Variants in GLG1 observed in about 807,000 individuals in gnomAD.
The protein encoded by GLG1 is Golgi apparatus protein 1.
A neutral mutation model predicts 160.5 loss-of-function variants in GLG1; 38 were observed. The ratio of observed to expected loss-of-function variants is 0.24; its 90% CI spans 0.18 to 0.31. The LOEUF is 0.31. GLG1 is among the 10% of genes least tolerant of loss of function. The probability of loss-of-function intolerance (pLI) is 1.00; values close to 1 mark genes in which losing one functional copy is unlikely to be tolerated. For missense variants in GLG1, 1,373 were observed against 1,505.2 expected, an observed-to-expected ratio of 0.91 and a Z score of 1.45; for synonymous variants, 644 against 543.4, an observed-to-expected ratio of 1.19 and a Z score of -2.57.
chr16:74,449,459 C>T lies in GLG1; in HGVS notation c.*3708G>A, dbSNP rs1352001475. The T allele has an allele frequency of 6.6e-6, 1 of 152,174 alleles. No individual in the cohort carries two copies. Among genetic ancestry groups the T allele is most frequent in the African/African-American group, 2.4e-5 (1 of 41,438 alleles). The allele number at this position is 152,174 out of a possible 1,614,324, so 9.4% of individuals were successfully genotyped here. A position where few individuals can be genotyped will look rare whatever the true frequency, so the allele number is the denominator to read the frequency against. ...CCCTTTCCAGTGTGCCTTGATAAAACGTAAAACATGAATGAAGACACTCTC... is the reference window on the plus strand; with the variant it reads ...CCCTTTCCAGTGTGCCTTGATAAAATGTAAAACATGAATGAAGACACTCTC... On this transcript the variant is annotated 3_prime_UTR_variant, in exon 26 of 26. Transcript: ENST00000422840.
At chr16:74,461,891 A>G in intron 22 of GLG1, 1 of 491,946 alleles carries the variant, frequency 2.0e-6, no homozygotes, top group Non-Finnish European at 3.6e-6. Flanking sequence ...GAAATATGGA[A>G]CAACGCTTTA....
chr16:74,565,404 T>G (rs1435245099), intron 1 of GLG1, among the ~76,000 whole-genome samples: 1 of 152,206 alleles, frequency 6.6e-6, no homozygotes, highest in Non-Finnish European at 1.5e-5. Context: ...TAAAGCTGCC[T>G]TCTTACATAT....
rs559736602 is a variant in GLG1 at position 74,601,604 on chromosome 16, C to G, written c.438+5053G>C. Among the ~76,000 whole-genome samples, 7 of 152,248 alleles carry G rather than the reference C, an allele frequency of 4.6e-5. No individual in the cohort carries two copies. The South Asian group carries it at 1.5e-3, about 32-fold the overall frequency. On this transcript the variant is annotated intron_variant, in intron 1 of 25. Coordinates refer to ENST00000422840, the MANE Select transcript of GLG1 (RefSeq NM_001145667.2). ...AATACAACTAAATGCTTCCAGTGTT[C>G]TAGTACAAATCCTGCTTAAGGTGAG...
In GLG1 at chr16:74,510,092, C is replaced by T. The variant is rs969190566; in HGVS notation, c.472-1167G>A. 5.3e-5 allele frequency among the ~76,000 whole-genome samples: 8 copies of T among 150,450 alleles called. No homozygotes were observed. The South Asian group carries it at 1.7e-3, about 32-fold the overall frequency. Reference sequence around the variant, plus strand: ...TATTGCCCAGGCTGCAGTGCAATGGCGCGATCTCGGCTCACCACAACCTCT... The same window carrying T: ...TATTGCCCAGGCTGCAGTGCAATGGTGCGATCTCGGCTCACCACAACCTCT... On this transcript the variant is annotated intron_variant, in intron 2 of 25. Coordinates refer to ENST00000422840, the MANE Select transcript of GLG1 (RefSeq NM_001145667.2).
chr16:74,545,576 T>C (rs2018023118), intron 1 of GLG1, among the ~76,000 whole-genome samples: 1 of 152,258 alleles, frequency 6.6e-6, no homozygotes, highest in African/African-American at 2.4e-5. Flanking sequence ...ATACACAAAT[T>C]TAAATTCAGA....
chr16:74,568,072 T>C (rs953399033), intron 1 of GLG1, among the ~76,000 whole-genome samples: 1 of 152,144 alleles, frequency 6.6e-6, no homozygotes, highest in Non-Finnish European at 1.5e-5. Context: ...CAATACAACA[T>C]TTGCAATAAT....
At chr16:74,482,990 G>A (rs371850873) in intron 10 of GLG1, 33 bp downstream of exon 10, 11 of 1,056,982 alleles carry the variant, frequency 1.0e-5, no homozygotes, top group African/African-American at 1.6e-5. Context: ...AGAGGCTGAG[G>A]CAATACATTT....
chr16:74,462,388 T>A, intron 21 of GLG1, 100 bp downstream of exon 21: 1 of 1,154,718 alleles, frequency 8.7e-7, no homozygotes, highest in East Asian at 2.4e-5. Flanking sequence ...ATGAAAAAGG[T>A]CTTGGGAAAA....
At chr16:74,498,719 G>C (rs1401870293) in intron 4 of GLG1, among the ~76,000 whole-genome samples, 2 of 149,704 alleles carry the variant, frequency 1.3e-5, no homozygotes, top group South Asian at 2.1e-4. Context: ...TCAAAAATTA[G>C]GTGGGTGTGG....
chr16:74,510,446 A>G lies in GLG1; in HGVS notation c.472-1521T>C, dbSNP rs770685162. 2.8e-4 allele frequency among the ~76,000 whole-genome samples: 43 copies of G among 152,240 alleles called. 2 individuals carry two copies. The highest frequency in any genetic ancestry group is 1.0e-4 in the Non-Finnish European group (7 of 68,042). ...TTATTTTTGAAGCTTCCATAAAAATATTTTGATAAGTGATCCAATTTCTGA... is the reference window on the plus strand; with the variant it reads ...TTATTTTTGAAGCTTCCATAAAAATGTTTTGATAAGTGATCCAATTTCTGA... On this transcript the variant is annotated intron_variant, in intron 2 of 25. Coordinates refer to ENST00000422840, the MANE Select transcript of GLG1 (RefSeq NM_001145667.2).
chr16:74,452,914 G>A lies in GLG1; in HGVS notation c.*253C>T, dbSNP rs773505170. 2 of 1,187,286 alleles carry A rather than the reference G, an allele frequency of 1.7e-6. No homozygotes were observed. The highest frequency in any genetic ancestry group is 4.3e-5 in the Admixed American group (1 of 23,138). 73.5% of individuals were successfully genotyped at this position (1,187,286 alleles called of 1,614,324 possible). On this transcript the variant is annotated 3_prime_UTR_variant, in exon 26 of 26. Transcript: ENST00000422840. ...TTGGTATGAGAGAGACTTGTCTACA[G>A]GCAGGTAAACCCAAGTTTGCCAAAC...
intron 1 of GLG1, among the ~76,000 whole-genome samples, chr16:74,600,495 G>A (rs555518442): frequency 2.0e-5 from 3 of 152,032 alleles, no homozygotes; most frequent in Non-Finnish European, 2.9e-5. Flanking sequence ...ACTTTGGGAG[G>A]CCAAGACAGG....
chr16:74,566,942 G>A (rs1370035824), intron 1 of GLG1, among the ~76,000 whole-genome samples: 1 of 152,136 alleles, frequency 6.6e-6, no homozygotes, highest in East Asian at 1.9e-4. Context: ...AGATGTGAAT[G>A]AAAAGTATAT....
intron 2 of GLG1, among the ~76,000 whole-genome samples, chr16:74,516,541 G>T (rs888068516): frequency 1.3e-5 from 2 of 152,180 alleles, no homozygotes; most frequent in African/African-American, 2.4e-5. Context: ...GAATCTCTGG[G>T]ACACATTCAA....
chr16:74,488,320 C>A (rs1056089205), intron 8 of GLG1, among the ~76,000 whole-genome samples: 1 of 152,036 alleles, frequency 6.6e-6, no homozygotes, highest in Non-Finnish European at 1.5e-5. Flanking sequence ...AACGGGCAGA[C>A]TGCTTGAGCC....
chr16:74,511,022 G>A (rs528981442), intron 2 of GLG1, among the ~76,000 whole-genome samples: 2 of 152,286 alleles, frequency 1.3e-5, no homozygotes, highest in African/African-American at 2.4e-5. Flanking sequence ...ATGGAAGCAA[G>A]GGGTGGAGGG....
At chr16:74,461,292 C>T (rs1447081249) in intron 22 of GLG1, among the ~76,000 whole-genome samples, 2 of 149,848 alleles carry the variant, frequency 1.3e-5, no homozygotes, top group Non-Finnish European at 3.0e-5. Context: ...CTTAGCCTCC[C>T]GGGTAGCTGG....
At chr16:74,498,141 T>C (rs926759700) in intron 4 of GLG1, among the ~76,000 whole-genome samples, 1 of 151,738 alleles carries the variant, frequency 6.6e-6, no homozygotes, top group Non-Finnish European at 1.5e-5. Flanking sequence ...TCTTAAAATA[T>C]AGTGCTATTA....
chr16:74,570,738 A>G (rs1446072575), intron 1 of GLG1, among the ~76,000 whole-genome samples: 3 of 152,178 alleles, frequency 2.0e-5, no homozygotes, highest in African/African-American at 4.8e-5. Context: ...TCTATAAAAA[A>G]TCAGCCAGGT....
Sources: allele counts gnomAD v4.1 joint callset (sites outside exome capture counted in the v4.1 genomes callset), GRCh38; gene constraint gnomAD v4.1.1; transcripts MANE v1.5; gene names NCBI Gene and HGNC (gene_info 2026-07-23, HGNC 2026-07-21).